GSDMC: variants seen among roughly 807,000 people sequenced by gnomAD.
GSDMC encodes gasdermin-C.
Under a neutral mutation model 58.0 loss-of-function variants are expected in GSDMC, and 59 were observed. The ratio of observed to expected loss-of-function variants is 1.02; its 90% CI spans 0.82 to 1.26. GSDMC has a LOEUF of 1.26. Among genes scored for constraint, GSDMC ranks in the 50% most tolerant of loss-of-function variants. The pLI, the probability that GSDMC is intolerant of heterozygous loss-of-function variation, is 0.00. For missense variants in GSDMC, 659 were observed against 598.5 expected (o/e 1.10, Z -1.06); for synonymous variants, 241 against 220.2 (o/e 1.09, Z -0.83).
At chr8:129,754,507 C>G (rs774719761) in intron 6 of GSDMC, among the ~76,000 whole-genome samples, 1 of 151,972 alleles carries the variant, frequency 6.6e-6, no homozygotes, top group Non-Finnish European at 1.5e-5. Context: ...ACAAACAAGC[C>G]TGAGAAGACT....
At chr8:129,763,055 A>T (rs142568657) in intron 4 of GSDMC, among the ~76,000 whole-genome samples, 43 of 152,228 alleles carry the variant, frequency 2.8e-4, no homozygotes, top group African/African-American at 1.0e-3. Flanking sequence ...AAATATTAAC[A>T]TCCCCATGTT....
intron 6 of GSDMC, 171 bp from the exon 7 acceptor site, chr8:129,752,991 C>G: frequency 8.0e-7 from 1 of 1,256,164 alleles, no homozygotes; most frequent in Non-Finnish European, 1.1e-6. Flanking sequence ...TTTCAGAACT[C>G]AAGTTTCTTG....
the GSDMC span, among the ~76,000 whole-genome samples, chr8:129,735,471 GCAAT>G: frequency 6.6e-6 from 1 of 152,210 alleles, no homozygotes; most frequent in Non-Finnish European, 1.5e-5. Flanking sequence ...AGACCACAGT[GCAAT>G]CAAATTAGAA....
At chr8:129,760,465 C>G in intron 6 of GSDMC, 80 bp downstream of exon 6, 1 of 783,590 alleles carries the variant, frequency 1.3e-6, no homozygotes. Context: ...ATCAAAACAT[C>G]TCATGTACCT....
chr8:129,777,584 G>T lies in GSDMC; in HGVS notation c.4C>A (p.Pro2Thr), dbSNP rs762258169. ...TTGCTAATGCGTTCCAACATGGAGG[G>T]CATGTTGCTAGGAGGAGATGAAAGG... MPSMLERISKNL... is the reference protein window; with the variant it reads MTSMLERISKNL... The change falls in exon 2 of 14, where the codon CCC (proline) becomes ACC (threonine). Residue 2 changes from proline (P) to threonine (T), a missense_variant. Coordinates refer to ENST00000276708, the MANE Select transcript of GSDMC (RefSeq NM_031415.3). 12 of 1,572,182 alleles carry T rather than the reference G, an allele frequency of 7.6e-6. No homozygotes were observed. Among genetic ancestry groups the T allele is most frequent in the Admixed American group, 5.0e-5 (3 of 59,952 alleles).
At chr8:129,758,798 A>T (rs2033541614) in intron 6 of GSDMC, among the ~76,000 whole-genome samples, 1 of 152,134 alleles carries the variant, frequency 6.6e-6, no homozygotes, top group African/African-American at 2.4e-5. Context: ...CCCCAAAGCA[A>T]TCTACAGATT....
At chr8:129,720,161 G>A in the GSDMC span, among the ~76,000 whole-genome samples, 1 of 152,160 alleles carries the variant, frequency 6.6e-6, no homozygotes, top group African/African-American at 2.4e-5. Context: ...CAGAGTAGAA[G>A]CCCTAGTCTG....
the GSDMC span, among the ~76,000 whole-genome samples, chr8:129,733,553 C>T: frequency 6.6e-6 from 1 of 152,204 alleles, no homozygotes; most frequent in Non-Finnish European, 1.5e-5. Context: ...CTCCAGCAAA[C>T]TCCAACAGAC....
chr8:129,732,038 C>G, the GSDMC span, among the ~76,000 whole-genome samples: 1 of 152,138 alleles, frequency 6.6e-6, no homozygotes, highest in Non-Finnish European at 1.5e-5. Flanking sequence ...TGTGTCCCCT[C>G]AAATTCAAGT....
chr8:129,751,605 T>C, intron 9 of GSDMC, 37 bp from the exon 10 acceptor site: 1 of 1,603,510 alleles, frequency 6.2e-7, no homozygotes, highest in Non-Finnish European at 8.5e-7. Flanking sequence ...CACTTCCTCA[T>C]CCCCCCAAAT....
At chr8:129,777,909 A>G (rs917757200) in intron 1 of GSDMC, among the ~76,000 whole-genome samples, 2 of 152,108 alleles carry the variant, frequency 1.3e-5, no homozygotes, top group African/African-American at 4.8e-5. Context: ...TCTTAAGACA[A>G]TTTGGGCTTC....
At chr8:129,713,739 C>T in the GSDMC span, among the ~76,000 whole-genome samples, 1 of 152,216 alleles carries the variant, frequency 6.6e-6, no homozygotes, top group East Asian at 1.9e-4. Context: ...CCCCACCATC[C>T]CCCAATAAAA....
At chr8:129,762,598 C>G in intron 5 of GSDMC, 28 bp downstream of exon 5, 1 of 1,393,336 alleles carries the variant, frequency 7.2e-7, no homozygotes. Flanking sequence ...CCACTGCCAT[C>G]TGCCTTGCTG....
the GSDMC span, among the ~76,000 whole-genome samples, chr8:129,726,982 A>G: frequency 7.2e-6 from 1 of 138,814 alleles, no homozygotes; most frequent in African/African-American, 2.7e-5. Flanking sequence ...CAACTTCCCA[A>G]CCACACCCAA....
intron 6 of GSDMC, among the ~76,000 whole-genome samples, chr8:129,757,778 C>G (rs1586587023): frequency 6.6e-6 from 1 of 152,124 alleles, no homozygotes; most frequent in East Asian, 1.9e-4. Context: ...ATTACTTGAG[C>G]TCAGGAGTTT....
the GSDMC span, among the ~76,000 whole-genome samples, chr8:129,728,219 C>G: frequency 6.6e-6 from 1 of 152,052 alleles, no homozygotes; most frequent in South Asian, 2.1e-4. Context: ...GTGCAGGGGG[C>G]CCTCTCTCCT....
intron 6 of GSDMC, among the ~76,000 whole-genome samples, chr8:129,756,483 C>G (rs2033441312): frequency 1.3e-5 from 2 of 152,068 alleles, no homozygotes; most frequent in Admixed American, 1.3e-4. Context: ...ACTTTCAGCA[C>G]TGAACAGATC....
At chr8:129,715,872 T>A in the GSDMC span, among the ~76,000 whole-genome samples, 3 of 152,172 alleles carry the variant, frequency 2.0e-5, no homozygotes, top group Non-Finnish European at 4.4e-5. Context: ...TTATAATACA[T>A]GTACAAGTAG....
intron 12 of GSDMC, 28 bp from the exon 13 acceptor site, chr8:129,749,553 A>T: frequency 6.4e-7 from 1 of 1,566,714 alleles, no homozygotes; most frequent in Non-Finnish European, 8.8e-7. Flanking sequence ...GTGGGGAAAG[A>T]CAGTAGTGAA....
Sources: allele counts gnomAD v4.1 joint callset (sites outside exome capture counted in the v4.1 genomes callset), GRCh38; gene constraint gnomAD v4.1.1; transcripts MANE v1.5; gene names NCBI Gene and HGNC (gene_info 2026-07-23, HGNC 2026-07-21).